Variants in INPP5A observed in about 807,000 individuals in gnomAD.
INPP5A encodes the protein inositol polyphosphate-5-phosphatase A.
INPP5A carries 14 observed loss-of-function variants against 65.2 expected under a neutral mutation model. The ratio of observed to expected loss-of-function variants is 0.21; its 90% CI spans 0.14 to 0.34. The LOEUF (loss-of-function observed/expected upper bound fraction) is 0.34, where lower values mean the gene tolerates loss of function less well. INPP5A is among the 10% of genes least tolerant of loss of function. INPP5A has a pLI of 1.00. For synonymous variants in INPP5A, 207 were observed against 208.3 expected (o/e 0.99, Z 0.05); for missense variants, 431 against 545.6 (o/e 0.79, Z 2.09).
chr10:132,722,593 C>T (rs999581243), intron 8 of INPP5A, among the ~76,000 whole-genome samples: 3 of 152,268 alleles, frequency 2.0e-5, no homozygotes, highest in East Asian at 1.9e-4. Flanking sequence ...ACGTTCAACC[C>T]GTGACTCTCC....
intron 11 of INPP5A, among the ~76,000 whole-genome samples, chr10:132,752,123 C>CGTCTGGGTGGAGGCGGCTGCCCAGGAGGA (rs1564999670): frequency 9.0e-6 from 1 of 111,212 alleles, no homozygotes; most frequent in Non-Finnish European, 1.9e-5. Context: ...GCCCAGGAGG[C>CGTCTGGGTGGAGGCGGCTGCCCAGGAGGA]GTCTGGGTGG....
intron 8 of INPP5A, among the ~76,000 whole-genome samples, chr10:132,725,437 G>A (rs889985235): frequency 6.6e-6 from 1 of 152,240 alleles, no homozygotes; most frequent in African/African-American, 2.4e-5. Flanking sequence ...TGTCAGCGGT[G>A]GCGGCGGGGC....
At position 132,698,448 on chromosome 10, in the gene INPP5A, G is replaced by A. The variant is rs978752433; in HGVS notation, c.474+529G>A. Among the ~76,000 whole-genome samples the A allele has an allele frequency of 2.0e-5, 3 of 152,268 alleles. No individual in the cohort carries two copies. In the South Asian group the frequency reaches 6.2e-4, roughly 31 times the overall value. On this transcript the variant is annotated intron_variant, in intron 6 of 15. Transcript: ENST00000368594. This position sits in a 1 kb window ranked among gnomAD's most constrained non-coding sequence, Gnocchi z 5.5. Reference sequence around the variant, plus strand: ...TCAAAATGTGTGGAAGGCATTTGTCGTCTCACTGCCAGACACGGTGTTGAT... The same window carrying A: ...TCAAAATGTGTGGAAGGCATTTGTCATCTCACTGCCAGACACGGTGTTGAT...
At position 132,690,464 on chromosome 10, in the gene INPP5A, G is replaced by T; in HGVS notation, c.370+9G>T. On this transcript the variant is annotated intron_variant, in intron 5 of 15. Coordinates refer to ENST00000368594, the MANE Select transcript of INPP5A (RefSeq NM_005539.5). ...CCAGTTTGACTTTAAAGGTAAGACT[G>T]CGTGCCGTCTTCCGGGATTTTGTCT... The T allele has an allele frequency of 6.2e-7, 1 of 1,606,078 alleles. No homozygotes were observed. The highest frequency in any genetic ancestry group is 8.5e-7 in the Non-Finnish European group (1 of 1,173,418).
chr10:132,717,375 G>A (rs1163643205), intron 8 of INPP5A, among the ~76,000 whole-genome samples: 1 of 151,368 alleles, frequency 6.6e-6, no homozygotes, highest in Non-Finnish European at 1.5e-5. Context: ...TGGTCAAGGA[G>A]CTTCCTCAAG....
At chr10:132,719,443 A>G (rs1413717939) in intron 8 of INPP5A, among the ~76,000 whole-genome samples, 2 of 136,430 alleles carry the variant, frequency 1.5e-5, no homozygotes, top group Non-Finnish European at 3.1e-5. Flanking sequence ...GTTCTGTGGT[A>G]CCTGGGTTCT....
chr10:132,713,401 G>A (rs1188757404), intron 8 of INPP5A, among the ~76,000 whole-genome samples: 2 of 152,050 alleles, frequency 1.3e-5, no homozygotes, highest in African/African-American at 2.4e-5. Context: ...CTGCTGTGGT[G>A]AGTGTGGCCT....
At chr10:132,752,628 G>A (rs1590984946) in intron 11 of INPP5A, among the ~76,000 whole-genome samples, 2 of 111,480 alleles carry the variant, frequency 1.8e-5, no homozygotes, top group African/African-American at 6.7e-5. Context: ...GTGGCATGGA[G>A]TGGGGTGTGG....
intron 1 of INPP5A, among the ~76,000 whole-genome samples, chr10:132,554,288 C>T (rs959082341): frequency 5.3e-5 from 8 of 152,188 alleles, no homozygotes; most frequent in African/African-American, 1.9e-4. Flanking sequence ...ACCGGCTTCC[C>T]TGGCTTCTGA....
intron 1 of INPP5A, among the ~76,000 whole-genome samples, chr10:132,600,346 G>C (rs1250139529): frequency 6.6e-6 from 1 of 152,152 alleles, no homozygotes; most frequent in Admixed American, 6.5e-5. Context: ...GCAAAATGCT[G>C]CCAGTCTCTT....
chr10:132,643,019 G>A (rs1270096604), intron 2 of INPP5A, among the ~76,000 whole-genome samples: 7 of 152,136 alleles, frequency 4.6e-5, no homozygotes, highest in Non-Finnish European at 1.0e-4. Context: ...TGAATGTCAC[G>A]GAGAGAGGAG....
chr10:132,625,539 G>C (rs1465312624), intron 2 of INPP5A, among the ~76,000 whole-genome samples: 1 of 152,168 alleles, frequency 6.6e-6, no homozygotes, highest in Non-Finnish European at 1.5e-5. Flanking sequence ...GGCTTTGGGA[G>C]CCCCTTGAGG....
intron 6 of INPP5A, among the ~76,000 whole-genome samples, chr10:132,703,951 C>T (rs958156831): frequency 7.6e-6 from 1 of 132,434 alleles, no homozygotes; most frequent in Non-Finnish European, 1.6e-5. Context: ...ACACACGCGG[C>T]TTCACACACA....
intron 2 of INPP5A, among the ~76,000 whole-genome samples, chr10:132,642,927 C>T (rs1467524406): frequency 6.6e-6 from 1 of 152,144 alleles, no homozygotes; most frequent in East Asian, 1.9e-4. Flanking sequence ...AGAGTATGTG[C>T]TGTTGACGTA....
At chr10:132,584,232 A>G (rs2071520888) in intron 1 of INPP5A, among the ~76,000 whole-genome samples, 1 of 152,226 alleles carries the variant, frequency 6.6e-6, no homozygotes, top group African/African-American at 2.4e-5. Context: ...TTCAGAGATT[A>G]ACCACCAACC....
chr10:132,780,897 G>A lies in INPP5A; in HGVS notation c.1138G>A (p.Val380Ile), dbSNP rs550602072. Residue 380 changes from valine to isoleucine, a missense_variant, in exon 14 of 16, where the codon GTC (valine) becomes ATC (isoleucine). Physicochemically the swap from Val to Ile is conservative, Grantham distance 29. Coordinates refer to ENST00000368594, the MANE Select transcript of INPP5A (RefSeq NM_005539.5). ...CACCTATGACCACATTGGGCCCAAC[G>A]TCTGCATGGGAGACCACAAGGTGAC... ...VVTYDHIGPNVCMGDHKPVFL... is the reference protein window; with the variant it reads ...VVTYDHIGPNICMGDHKPVFL... The A allele has an allele frequency of 9.9e-6, 16 of 1,610,610 alleles. No homozygotes were observed. Among genetic ancestry groups the A allele is most frequent in the African/African-American group, 2.7e-5 (2 of 74,834 alleles).
At position 132,776,687 on chromosome 10, in the gene INPP5A, G is replaced by A. The variant is rs182538929; in HGVS notation, c.978-984G>A. On this transcript the variant is annotated intron_variant, in intron 12 of 15. Transcript: ENST00000368594. ...GGTTCGTTCACTCCAAGTGGAATTC[G>A]TTACCACTTCAGTGCAGTCCCAAGC... Among the ~76,000 whole-genome samples, 159 of 152,312 alleles carry A rather than the reference G, an allele frequency of 1.0e-3. 1 individual carries two copies. The highest frequency in any genetic ancestry group is 2.0e-3 in the African/African-American group (83 of 41,568).
chr10:132,597,147 ATG>A (rs756043693), intron 1 of INPP5A, among the ~76,000 whole-genome samples: 1 of 150,930 alleles, frequency 6.6e-6, no homozygotes. Context: ...GTGTGCATGC[ATG>A]TGTGTGAGTG....
rs1344823446 is a variant in INPP5A at position 132,587,372 on chromosome 10, T to G, written c.76-20543T>G. ...GAGCAGTTGGGTGGCCCAGCCTGCT[T>G]CTGCTGCTGCCAGCACAGCCCATGG... On this transcript the variant is annotated intron_variant, in intron 1 of 15. Transcript: ENST00000368594. This position sits in a 1 kb window ranked among gnomAD's most constrained non-coding sequence, Gnocchi z 4.3. 6.6e-6 allele frequency among the ~76,000 whole-genome samples: 1 copy of G among 152,102 alleles called. No individual in the cohort carries two copies. Among genetic ancestry groups the G allele is most frequent in the African/African-American group, 2.4e-5 (1 of 41,422 alleles).
Sources: allele counts gnomAD v4.1 joint callset (sites outside exome capture counted in the v4.1 genomes callset), GRCh38; gene constraint gnomAD v4.1.1; non-coding constraint Gnocchi (gnomAD v3.1); transcripts MANE v1.5; gene names NCBI Gene and HGNC (gene_info 2026-07-23, HGNC 2026-07-21).